OTOA: variants seen among roughly 807,000 people sequenced by gnomAD.
OTOA encodes the protein otoancorin, also known as cancer/testis antigen 108.
Under a neutral mutation model 110.8 loss-of-function variants are expected in OTOA, and 70 were observed. The observed-to-expected ratio is 0.63, with a 90% confidence interval of 0.52 to 0.77. The LOEUF is 0.77. OTOA is among the 30% of genes least tolerant of loss of function. The probability of loss-of-function intolerance (pLI) is 0.00; values close to 1 mark genes in which losing one functional copy is unlikely to be tolerated. For synonymous variants in OTOA, 373 were observed against 431.5 expected (o/e 0.86, Z 1.68); for missense variants, 917 against 1,075.8 (o/e 0.85, Z 2.06).
At chr16:21,723,281 G>A (rs1238056135) in intron 18 of OTOA, among the ~76,000 whole-genome samples, 1 of 152,178 alleles carries the variant, frequency 6.6e-6, no homozygotes, top group Non-Finnish European at 1.5e-5. Context: ...GGCTCCAGGG[G>A]AATCAGAGTT....
Position 21,701,025 on chromosome 16 carries a change from C to T in OTOA, c.978C>T (p.His326=). 6.2e-7 allele frequency: 1 copy of T among 1,614,198 alleles called. No homozygotes were observed. Among genetic ancestry groups the T allele is most frequent in the Non-Finnish European group, 8.5e-7 (1 of 1,180,036 alleles). The change falls in exon 11 of 29, where the codon CAC becomes CAT. Residue 326 remains histidine, a splice_region_variant and synonymous_variant. Transcript: ENST00000646100. ...NFNMRNTSTI[H]RLGLLVCFYN... ...ACATGAGGAATACCTCCACCATCCA[C>T]AGGCAAGCGCATGAGCTCTGGGCCT... is the stretch of plus-strand genomic sequence containing the variant.
chr16:21,699,640 C>T (rs1014375935), intron 10 of OTOA, among the ~76,000 whole-genome samples: 1 of 151,502 alleles, frequency 6.6e-6, no homozygotes, highest in Non-Finnish European at 1.5e-5. Flanking sequence ...GTGTCTTGGC[C>T]GGGCGCAGTG....
rs546735877 is a variant in OTOA at position 21,678,542 on chromosome 16, C to T, written c.28C>T (p.Leu10Phe). MSQEPTTYS[L>F]FLFLFLSHGV... is the part of the protein sequence containing the mutation. ...GTCTCAGGAACCTACGACATACTCC[C>T]TTTTCCTATTCCTTTTTCTGAGCCA... The change falls in exon 2 of 29, where the codon CTT becomes TTT. Residue 10 changes from leucine (L) to phenylalanine (F), a missense_variant. Physicochemically the swap from Leu to Phe is conservative, Grantham distance 22 (BLOSUM62 0). Transcript: ENST00000646100. 4.3e-5 allele frequency: 69 copies of T among 1,613,810 alleles called. No homozygotes were observed. In the South Asian group the frequency reaches 7.4e-4, roughly 17 times the overall value.
At chr16:21,719,347 C>T (rs375589558) in intron 16 of OTOA, 40 bp from the exon 17 acceptor site, 1 of 1,593,886 alleles carries the variant, frequency 6.3e-7, no homozygotes, top group African/African-American at 1.3e-5. Flanking sequence ...CTCTCCTCCT[C>T]ACTTCCTTCC....
At chr16:21,686,504 G>A (rs1322554586) in intron 7 of OTOA, among the ~76,000 whole-genome samples, 1 of 151,928 alleles carries the variant, frequency 6.6e-6, no homozygotes, top group Non-Finnish European at 1.5e-5. Flanking sequence ...TGTTGCCTAG[G>A]CTGGTCTCAA....
intron 21 of OTOA, among the ~76,000 whole-genome samples, chr16:21,731,789 T>C (rs1567397286): frequency 1.3e-5 from 2 of 152,136 alleles, no homozygotes; most frequent in Non-Finnish European, 2.9e-5. Context: ...CTCTCATACC[T>C]GCACTTGCAG....
rs189194995 is a variant in OTOA, at chr16:21,710,016, C to T, written c.1233C>T (p.His411=). ...AATCCCTCTCCCCCGAGGCTGTGCA[C>T]GGAGCCATCTCCACCCTCAACCAGG... ...QLESLSPEAV[H]GAISTLNQVS... is the part of the protein sequence containing the mutation. The change falls in exon 13 of 29, where the codon CAC becomes CAT. Residue 411 remains histidine, a synonymous_variant. Coordinates refer to ENST00000646100, the MANE Select transcript of OTOA (RefSeq NM_144672.4). 38 of 1,614,080 alleles carry T rather than the reference C, an allele frequency of 2.4e-5. No homozygotes were observed. Among genetic ancestry groups the T allele is most frequent in the Admixed American group, 1.7e-4 (10 of 60,010 alleles).
intron 17 of OTOA, among the ~76,000 whole-genome samples, chr16:21,720,291 C>T (rs1389420361): frequency 6.6e-6 from 1 of 152,180 alleles, no homozygotes; most frequent in East Asian, 1.9e-4. Flanking sequence ...CTAGTAAACA[C>T]AGGCCTTACA....
intron 1 of OTOA, among the ~76,000 whole-genome samples, chr16:21,669,593 A>G (rs763867018): frequency 6.6e-6 from 1 of 152,012 alleles, no homozygotes; most frequent in Non-Finnish European, 1.5e-5. Flanking sequence ...CTCCCTCTCT[A>G]CATGCTCAGG....
intron 24 of OTOA, among the ~76,000 whole-genome samples, chr16:21,749,296 G>A (rs984150336): frequency 8.7e-5 from 12 of 137,768 alleles, no homozygotes; most frequent in African/African-American, 3.0e-4. Context: ...GGAGGCTGAG[G>A]TGGGTAGATC....
At chr16:21,722,054 A>T (rs1359272085) in intron 17 of OTOA, among the ~76,000 whole-genome samples, 2 of 148,678 alleles carry the variant, frequency 1.3e-5, no homozygotes, top group East Asian at 2.0e-4. Context: ...AAAAATTTTT[A>T]AAAAATACAA....
At chr16:21,732,358 G>T (rs1418426111) in intron 21 of OTOA, among the ~76,000 whole-genome samples, 2 of 151,930 alleles carry the variant, frequency 1.3e-5, no homozygotes, top group Non-Finnish European at 2.9e-5. Context: ...TTTCCATAAG[G>T]TATTGGGGTA....
intron 5 of OTOA, among the ~76,000 whole-genome samples, chr16:21,679,632 T>G (rs1461512559): frequency 2.6e-5 from 4 of 152,136 alleles, no homozygotes; most frequent in Non-Finnish European, 5.9e-5. Context: ...CTCAAACTCC[T>G]GACCTCAGGT....
chr16:21,712,349 A>G (rs1247101436), intron 13 of OTOA, among the ~76,000 whole-genome samples: 1 of 151,974 alleles, frequency 6.6e-6, no homozygotes, highest in Non-Finnish European at 1.5e-5. Flanking sequence ...AAAAAAAAGA[A>G]AAAAGTAGTA....
At chr16:21,684,720 CTTATTATTATTATTA>C (rs531589434) in intron 6 of OTOA, among the ~76,000 whole-genome samples, 5,020 of 126,866 alleles carry the variant, frequency 0.04, 337 homozygotes, top group African/African-American at 0.13. Context: ...GAGGAATCCC[CTTATTATTATTATTA>C]TTATTATTAT....
chr16:21,669,913 C>T (rs1966846804), intron 1 of OTOA, among the ~76,000 whole-genome samples: 2 of 151,932 alleles, frequency 1.3e-5, no homozygotes, highest in Non-Finnish European at 2.9e-5. Flanking sequence ...ATCACTTGAG[C>T]TTAGGAGTTC....
At chr16:21,731,513 C>T (rs1257204942) in intron 21 of OTOA, among the ~76,000 whole-genome samples, 1 of 152,222 alleles carries the variant, frequency 6.6e-6, no homozygotes, top group East Asian at 1.9e-4. Flanking sequence ...GTCGCTGGGG[C>T]AGCCCTGCTC....
intron 24 of OTOA, among the ~76,000 whole-genome samples, chr16:21,751,515 G>A (rs1253194928): frequency 5.3e-4 from 45 of 84,990 alleles, no homozygotes; most frequent in Admixed American, 5.2e-3. Flanking sequence ...GCAAGACTCC[G>A]TCTCCAAAAA....
At chr16:21,695,224 A>G (rs1177874710) in intron 9 of OTOA, among the ~76,000 whole-genome samples, 5 of 128,508 alleles carry the variant, frequency 3.9e-5, no homozygotes, top group African/African-American at 1.5e-4. Flanking sequence ...ATGTAGTGAG[A>G]CCCCCCCCCC....
Sources: allele counts gnomAD v4.1 joint callset (sites outside exome capture counted in the v4.1 genomes callset), GRCh38; gene constraint gnomAD v4.1.1; transcripts MANE v1.5; gene names NCBI Gene and HGNC (gene_info 2026-07-23, HGNC 2026-07-21).